Variants in ARHGAP10 observed in about 807,000 individuals in gnomAD.
The protein encoded by ARHGAP10 is rho GTPase-activating protein 10.
A neutral mutation model predicts 108.6 loss-of-function variants in ARHGAP10; 87 were observed. The ratio of observed to expected loss-of-function variants is 0.80; its 90% CI spans 0.67 to 0.96. The LOEUF is 0.96. ARHGAP10 is among the 40% of genes least tolerant of loss of function. ARHGAP10 has a pLI of 0.00. For synonymous variants in ARHGAP10, 347 were observed against 341.1 expected (o/e 1.02, Z -0.19); for missense variants, 939 against 954.5 (o/e 0.98, Z 0.21).
chr4:147,791,836 T>C (rs1043248154), intron 1 of ARHGAP10, among the ~76,000 whole-genome samples: 1 of 151,952 alleles, frequency 6.6e-6, no homozygotes, highest in East Asian at 1.9e-4. Context: ...CCACCTGCCT[T>C]GGCCTCTCAA....
At chr4:147,938,709 G>A (rs1738047563) in intron 13 of ARHGAP10, among the ~76,000 whole-genome samples, 1 of 152,160 alleles carries the variant, frequency 6.6e-6, no homozygotes, top group South Asian at 2.1e-4. Flanking sequence ...AAATTCCATG[G>A]CCTTTTGTTG....
At chr4:148,065,748 T>C (rs1729838654) in intron 22 of ARHGAP10, 1 of 152,228 alleles carries the variant, frequency 6.6e-6, no homozygotes, top group Non-Finnish European at 1.5e-5. Context: ...AACTCCCTCC[T>C]GCAGTATGGT....
Position 148,032,362 on chromosome 4 carries a change from C to T in ARHGAP10, c.1867+8949C>T, listed in dbSNP as rs953589504. The stretch of plus-strand genomic sequence containing the variant: ...CCCCCCCCCCATATTGTAGGCCAAA[C>T]GTTGTAATCATTGAGAATTTCATGT... On this transcript the variant is annotated intron_variant, in intron 19 of 22. Coordinates refer to ENST00000336498, the MANE Select transcript of ARHGAP10 (RefSeq NM_024605.4). Among the ~76,000 whole-genome samples, 9 of 113,692 alleles carry T rather than the reference C, an allele frequency of 7.9e-5. 1 individual carries two copies. The Admixed American group carries it at 1.0e-3, about 13-fold the overall frequency. The allele number at this position is 113,692 out of a possible 152,430, so 74.6% of individuals were successfully genotyped here.
chr4:147,804,483 G>A (rs1000793853), intron 1 of ARHGAP10, among the ~76,000 whole-genome samples: 1 of 152,106 alleles, frequency 6.6e-6, no homozygotes, highest in Non-Finnish European at 1.5e-5. Flanking sequence ...GTGTCTTTAT[G>A]GTAGAATGAT....
chr4:148,023,999 A>G (rs903402955), intron 19 of ARHGAP10, among the ~76,000 whole-genome samples: 2 of 152,246 alleles, frequency 1.3e-5, no homozygotes, highest in Non-Finnish European at 2.9e-5. Context: ...TGTTCAGCTA[A>G]TCGTTGCCAC....
At chr4:147,874,031 A>G (rs1734957462) in intron 7 of ARHGAP10, among the ~76,000 whole-genome samples, 1 of 152,004 alleles carries the variant, frequency 6.6e-6, no homozygotes, top group Non-Finnish European at 1.5e-5. Flanking sequence ...GTGTTTAAAA[A>G]AAAACAACAA....
intron 14 of ARHGAP10, among the ~76,000 whole-genome samples, chr4:147,943,881 G>T (rs1262054197): frequency 6.6e-6 from 1 of 152,198 alleles, no homozygotes; most frequent in African/African-American, 2.4e-5. Context: ...TAGTAACATA[G>T]ACACTGTGTA....
At chr4:148,071,944 C>T (rs1730200086) in intron 22 of ARHGAP10, 49 bp from the exon 23 acceptor site, 2 of 1,533,480 alleles carry the variant, frequency 1.3e-6, no homozygotes, top group East Asian at 2.3e-5. Flanking sequence ...ACCCAGGAGG[C>T]AAGTACTTGG....
chr4:147,995,805 C>T (rs1194214919), intron 18 of ARHGAP10, among the ~76,000 whole-genome samples: 2 of 152,104 alleles, frequency 1.3e-5, no homozygotes, highest in African/African-American at 4.8e-5. Flanking sequence ...CGAGCTTCGC[C>T]TCCTGGGTTC....
chr4:147,872,189 T>A (rs932263719), intron 7 of ARHGAP10, among the ~76,000 whole-genome samples: 1 of 150,278 alleles, frequency 6.7e-6, no homozygotes, highest in African/African-American at 2.5e-5. Flanking sequence ...GGGGACCTCA[T>A]GGAGGCGTCT....
rs759519835 is a variant in ARHGAP10, at chr4:147,830,323, G to A, written c.312+7366G>A. ...TTAGATGGTCGGTCACAGGCAAGAC[G>A]TGATGCCTGCTCTCTCAGCCCTGGC... On this transcript the variant is annotated intron_variant, in intron 3 of 22. Coordinates refer to ENST00000336498, the MANE Select transcript of ARHGAP10 (RefSeq NM_024605.4). 8.7e-4 allele frequency among the ~76,000 whole-genome samples: 132 copies of A among 152,096 alleles called. 1 individual carries two copies. Among genetic ancestry groups the A allele is most frequent in the Non-Finnish European group, 3.7e-4 (25 of 68,018 alleles).
At chr4:147,911,999 G>A (rs1440676312) in intron 12 of ARHGAP10, among the ~76,000 whole-genome samples, 738 of 14,696 alleles carry the variant, frequency 0.05, 7 homozygotes, top group South Asian at 0.11. Context: ...ATTCACGTGT[G>A]TGTGTGTGTG....
intron 3 of ARHGAP10, among the ~76,000 whole-genome samples, chr4:147,838,480 A>ACAC (rs1292370104): frequency 1.3e-5 from 2 of 150,706 alleles, no homozygotes; most frequent in Admixed American, 6.6e-5. Flanking sequence ...TCTTAAAAAA[A>ACAC]AAACACACAC....
chr4:147,870,928 C>CTCTGTG (rs980899526), intron 7 of ARHGAP10, among the ~76,000 whole-genome samples: 9 of 139,156 alleles, frequency 6.5e-5, no homozygotes, highest in South Asian at 5.0e-4. Flanking sequence ...AAACTACAGA[C>CTCTGTG]TGTGTGTGTG....
At chr4:147,870,001 TG>T (rs1553958584) in intron 7 of ARHGAP10, among the ~76,000 whole-genome samples, 12,961 of 144,448 alleles carry the variant, frequency 0.09, 1,017 homozygotes, top group South Asian at 0.15. Flanking sequence ...TCCCAGTTTG[TG>T]TGTGTGTGTG....
chr4:148,027,262 A>G (rs537032761), intron 19 of ARHGAP10, among the ~76,000 whole-genome samples: 1 of 152,336 alleles, frequency 6.6e-6, no homozygotes, highest in East Asian at 1.9e-4. Flanking sequence ...CTTTTGTAAC[A>G]TGATACAGCA....
intron 5 of ARHGAP10, 138 bp from the exon 6 acceptor site, chr4:147,864,708 C>G (rs1734476982): frequency 3.1e-6 from 2 of 637,302 alleles, no homozygotes; most frequent in Non-Finnish European, 5.4e-6. Context: ...AATTGTCGTA[C>G]CTGTGTTGCA....
intron 10 of ARHGAP10, among the ~76,000 whole-genome samples, chr4:147,886,700 T>C (rs11735412): frequency 0.73 from 111,430 of 152,122 alleles, 45,744 homozygotes; most frequent in Non-Finnish European, 0.92. Context: ...ATGGGATCAC[T>C]TCAAATACAT....
intron 15 of ARHGAP10, among the ~76,000 whole-genome samples, chr4:147,946,936 G>A (rs982189980): frequency 1.3e-5 from 2 of 152,192 alleles, no homozygotes; most frequent in South Asian, 2.1e-4. Context: ...TTTTGAAATA[G>A]ACATTTTTTG....
Sources: allele counts gnomAD v4.1 joint callset (sites outside exome capture counted in the v4.1 genomes callset), GRCh38; gene constraint gnomAD v4.1.1; transcripts MANE v1.5; gene names NCBI Gene and HGNC (gene_info 2026-07-23, HGNC 2026-07-21).